DDX19B: variants seen among roughly 807,000 people sequenced by gnomAD.
DDX19B encodes the protein DEAD-box helicase 19B.
In DDX19B, 27 loss-of-function variants were observed where a neutral mutation model predicts 58.1. The observed-to-expected ratio is 0.46, with a 90% CI of 0.34 to 0.64. The LOEUF (loss-of-function observed/expected upper bound fraction) is 0.64. Among genes scored for constraint, DDX19B ranks in the 30% least tolerant of loss-of-function variants. The pLI, the probability that DDX19B is intolerant of heterozygous loss-of-function variation, is 0.01. For missense variants in DDX19B, 399 were observed against 596.5 expected, an observed-to-expected ratio of 0.67 and a Z score of 3.45; for synonymous variants, 187 against 214.4, an observed-to-expected ratio of 0.87 and a Z score of 1.12.
At chr16:70,311,257 G>GT (rs1016932614) in intron 1 of DDX19B, among the ~76,000 whole-genome samples, 6 of 151,852 alleles carry the variant, frequency 4.0e-5, no homozygotes. Context: ...GCGGGCGCCT[G>GT]TAGTCTCAGC....
At chr16:70,325,316 T>G (rs1354277091) in intron 6 of DDX19B, among the ~76,000 whole-genome samples, 1 of 152,212 alleles carries the variant, frequency 6.6e-6, no homozygotes, top group African/African-American at 2.4e-5. Flanking sequence ...AATTGGAACT[T>G]TAGATCCTTG....
Position 70,333,666 on chromosome 16 carries a change from A to G in DDX19B, c.*84A>G. The G allele has an allele frequency of 6.2e-7, 1 of 1,600,170 alleles. No homozygotes were observed. The highest frequency in any genetic ancestry group is 8.6e-7 in the Non-Finnish European group (1 of 1,168,360). On this transcript the variant is annotated 3_prime_UTR_variant, in exon 12 of 12. Transcript: ENST00000288071. The stretch of plus-strand genomic sequence containing the variant: ...CGTTCAGGGCACAGGCCCCGACATC[A>G]CCCCAAGGACAACGGCACAAGTAGA...
At position 70,301,362 on chromosome 16, in the gene DDX19B, G is replaced by A. The variant is rs184166741; in HGVS notation, c.57+2008G>A. 4.0e-4 allele frequency among the ~76,000 whole-genome samples: 61 copies of A among 152,242 alleles called. No individual in the cohort carries two copies. The East Asian group carries it at 0.011, about 27-fold the overall frequency. ...ATTATTTTCCTGCCAAATTTTAAAT[G>A]TATTGTTCCATTGCCTTCTAGATTT... On this transcript the variant is annotated intron_variant, in intron 1 of 11. Coordinates refer to ENST00000288071, the MANE Select transcript of DDX19B (RefSeq NM_007242.7).
chr16:70,327,649 G>A (rs1251944800), intron 7 of DDX19B, among the ~76,000 whole-genome samples: 3 of 151,020 alleles, frequency 2.0e-5, no homozygotes, highest in Non-Finnish European at 2.9e-5. Context: ...CTCCTGCCTC[G>A]TCCCCTCAAA....
intron 5 of DDX19B, among the ~76,000 whole-genome samples, chr16:70,319,332 T>C (rs1674395534): frequency 6.6e-6 from 1 of 152,126 alleles, no homozygotes; most frequent in Admixed American, 6.6e-5. Context: ...GCAGGGCATC[T>C]CCCACTTTCA....
At chr16:70,305,998 C>T (rs1378890338) in intron 1 of DDX19B, among the ~76,000 whole-genome samples, 2 of 152,032 alleles carry the variant, frequency 1.3e-5, no homozygotes, top group Non-Finnish European at 2.9e-5. Flanking sequence ...CTTCTGACCT[C>T]GTGATCCGCC....
intron 8 of DDX19B, 145 bp from the exon 9 acceptor site, chr16:70,329,686 C>T: frequency 7.9e-7 from 1 of 1,267,124 alleles, no homozygotes; most frequent in Non-Finnish European, 1.1e-6. Flanking sequence ...CCCCTGTCCC[C>T]ATCCCAGGCC....
intron 1 of DDX19B, among the ~76,000 whole-genome samples, chr16:70,307,122 T>C (rs1396700662): frequency 3.9e-5 from 6 of 152,224 alleles, no homozygotes; most frequent in Admixed American, 3.9e-4. Context: ...CACTTATCAA[T>C]TTCTGGACAT....
rs113972852 is a variant in DDX19B, at chr16:70,308,718, G to A, written c.58-3891G>A. Among the ~76,000 whole-genome samples, 498 of 151,512 alleles carry A rather than the reference G, an allele frequency of 3.3e-3. 2 individuals carry two copies. The highest frequency in any genetic ancestry group is 0.011 in the African/African-American group (444 of 41,274). The stretch of plus-strand genomic sequence containing the variant: ...TATAGAGGTGGAGTCTCACTATGTT[G>A]CCCAGGCTTGTCTCAAACTCCTGGC... On this transcript the variant is annotated intron_variant, in intron 1 of 11. Transcript: ENST00000288071.
intron 2 of DDX19B, 70 bp from the exon 3 acceptor site, chr16:70,314,832 G>T (rs1380680570): frequency 1.3e-6 from 2 of 1,559,112 alleles, no homozygotes; most frequent in Non-Finnish European, 1.8e-6. Context: ...TAGTGTCATA[G>T]AATTTGAATT....
chr16:70,299,093 T>C, upstream of DDX19B: 1 of 1,306,478 alleles, frequency 7.7e-7, no homozygotes. Flanking sequence ...GGGGTACGGG[T>C]CTGAGGGCAA....
At chr16:70,289,850 G>A (rs1315370010), upstream of DDX19B, 1 of 402,442 alleles carries the variant, frequency 2.5e-6, no homozygotes, top group South Asian at 1.8e-5. Context: ...AAGGGGAGAC[G>A]GTAACGTGTT....
chr16:70,293,774 G>A (rs1341686972), upstream of DDX19B, among the ~76,000 whole-genome samples: 1 of 149,550 alleles, frequency 6.7e-6, no homozygotes, highest in African/African-American at 2.5e-5. Flanking sequence ...ACCGTGCCCG[G>A]CTAATTTTTT....
chr16:70,309,837 A>AAAAAAAAAG, intron 1 of DDX19B, among the ~76,000 whole-genome samples: 1 of 149,528 alleles, frequency 6.7e-6, no homozygotes, highest in Non-Finnish European at 1.5e-5. Flanking sequence ...AAAAAAAAAA[A>AAAAAAAAAG]AGAGAAATAG....
intron 10 of DDX19B, among the ~76,000 whole-genome samples, chr16:70,332,518 C>G (rs925064126): frequency 1.3e-5 from 2 of 152,174 alleles, no homozygotes; most frequent in African/African-American, 4.8e-5. Flanking sequence ...CCAGGCTAGT[C>G]TTGAACTCTT....
chr16:70,328,117 G>C (rs1335432870), intron 7 of DDX19B, among the ~76,000 whole-genome samples: 1 of 151,196 alleles, frequency 6.6e-6, no homozygotes, highest in African/African-American at 2.4e-5. Context: ...TTGCACCACT[G>C]TACTCCAGCC....
chr16:70,314,984 A>C, intron 3 of DDX19B, 29 bp downstream of exon 3: 1 of 1,601,984 alleles, frequency 6.2e-7, no homozygotes, highest in Non-Finnish European at 8.5e-7. Context: ...TTTATATAAT[A>C]ACAAGCTTCT....
intron 10 of DDX19B, 113 bp downstream of exon 10, chr16:70,331,997 G>A (rs1963510225): frequency 1.4e-6 from 2 of 1,451,244 alleles, no homozygotes; most frequent in Non-Finnish European, 9.2e-7. Flanking sequence ...GATGGGTGGG[G>A]TTGGTGACAC....
At chr16:70,298,436 T>A (rs1961314287), upstream of DDX19B, among the ~76,000 whole-genome samples, 1 of 151,742 alleles carries the variant, frequency 6.6e-6, no homozygotes, top group African/African-American at 2.4e-5. Flanking sequence ...AGTGCTGAGA[T>A]TACAGGCATG....
Sources: gnomAD v4.1 joint callset for allele counts (sites outside exome capture counted in the v4.1 genomes callset) on GRCh38, gnomAD v4.1.1 for gene constraint, MANE v1.5 for transcripts, NCBI Gene and HGNC (gene_info 2026-07-23, HGNC 2026-07-21) for gene names.